ANGPT1: variants seen among roughly 807,000 people sequenced by gnomAD.
ANGPT1 encodes angiopoietin-1.
In ANGPT1, 17 loss-of-function variants were observed where a neutral mutation model predicts 62.2. The observed-to-expected ratio is 0.27, with a 90% CI of 0.19 to 0.41. The LOEUF (loss-of-function observed/expected upper bound fraction) is 0.41, where lower values mean the gene tolerates loss of function less well. Among genes scored for constraint, ANGPT1 ranks in the 10% least tolerant of loss-of-function variants. The pLI is 1.00. For synonymous variants in ANGPT1, 199 were observed against 198.9 expected, an observed-to-expected ratio of 1.00 and a Z score of 0.00; for missense variants, 478 against 594.9, an observed-to-expected ratio of 0.80 and a Z score of 2.04.
chr8:107,431,701 C>T (rs1811190876), intron 1 of ANGPT1, among the ~76,000 whole-genome samples: 1 of 150,630 alleles, frequency 6.6e-6, no homozygotes, highest in Non-Finnish European at 1.5e-5. Flanking sequence ...TTGTATCTAC[C>T]TTCCTACCAG....
intron 1 of ANGPT1, among the ~76,000 whole-genome samples, chr8:107,367,119 C>A (rs534939525): frequency 3.3e-5 from 5 of 152,268 alleles, no homozygotes; most frequent in African/African-American, 1.2e-4. Context: ...TAAATATTTG[C>A]TATTTTAAGC....
At chr8:107,255,360 G>A (rs764425715) in intron 8 of ANGPT1, among the ~76,000 whole-genome samples, 2 of 152,140 alleles carry the variant, frequency 1.3e-5, no homozygotes, top group Non-Finnish European at 2.9e-5. Context: ...GTGCCAGTGG[G>A]TTAAAGGGTT....
At chr8:107,490,626 C>G (rs1194057424) in intron 1 of ANGPT1, among the ~76,000 whole-genome samples, 5 of 152,168 alleles carry the variant, frequency 3.3e-5, no homozygotes, top group Non-Finnish European at 7.4e-5. Context: ...GCAATGGTCC[C>G]AATACTAATA....
intron 4 of ANGPT1, among the ~76,000 whole-genome samples, chr8:107,315,780 G>T (rs1814999975): frequency 6.6e-6 from 1 of 151,954 alleles, no homozygotes. Flanking sequence ...TTATATCCTT[G>T]CATTTTGGGG....
chr8:107,265,133 A>G (rs1414459980), intron 7 of ANGPT1, among the ~76,000 whole-genome samples: 1 of 152,172 alleles, frequency 6.6e-6, no homozygotes, highest in African/African-American at 2.4e-5. Flanking sequence ...CTATCTAGAA[A>G]CATTTCTTAT....
intron 1 of ANGPT1, among the ~76,000 whole-genome samples, chr8:107,429,452 A>T (rs1350935554): frequency 1.3e-5 from 2 of 152,134 alleles, no homozygotes; most frequent in Non-Finnish European, 2.9e-5. Context: ...TTACTAAAAG[A>T]ATGGGTGTCA....
intron 3 of ANGPT1, among the ~76,000 whole-genome samples, chr8:107,335,379 T>C (rs1815535321): frequency 6.6e-6 from 1 of 152,212 alleles, no homozygotes; most frequent in Non-Finnish European, 1.5e-5. Context: ...TCAAGTTATC[T>C]AGATACCCCG....
intron 1 of ANGPT1, among the ~76,000 whole-genome samples, chr8:107,431,316 TGTC>T (rs1301368716): frequency 2.0e-5 from 3 of 152,216 alleles, no homozygotes; most frequent in East Asian, 1.9e-4. Flanking sequence ...GGAAGTCACT[TGTC>T]GTGTTGCCCA....
intron 1 of ANGPT1, among the ~76,000 whole-genome samples, chr8:107,399,614 A>T (rs1205029772): frequency 6.6e-6 from 1 of 152,144 alleles, no homozygotes; most frequent in African/African-American, 2.4e-5. Flanking sequence ...AAGGAAGGGT[A>T]TGGGCCTGTC....
chr8:107,312,554 C>T (rs1814900315), intron 4 of ANGPT1, among the ~76,000 whole-genome samples: 1 of 152,188 alleles, frequency 6.6e-6, no homozygotes, highest in Non-Finnish European at 1.5e-5. Flanking sequence ...TAAGTCCTGA[C>T]TGTCACCACA....
intron 6 of ANGPT1, among the ~76,000 whole-genome samples, chr8:107,287,622 G>T (rs976491460): frequency 6.6e-6 from 1 of 152,116 alleles, no homozygotes; most frequent in Non-Finnish European, 1.5e-5. Context: ...GAAAGAAGGG[G>T]AATTGTGTTC....
At chr8:107,389,671 A>G (rs1230439463) in intron 1 of ANGPT1, among the ~76,000 whole-genome samples, 1 of 152,186 alleles carries the variant, frequency 6.6e-6, no homozygotes, top group Non-Finnish European at 1.5e-5. Context: ...AAAAACAATT[A>G]TATACTGCCA....
At chr8:107,313,443 T>TTG (rs1563564091) in intron 4 of ANGPT1, among the ~76,000 whole-genome samples, 9 of 127,724 alleles carry the variant, frequency 7.0e-5, no homozygotes, top group South Asian at 2.9e-4. Context: ...TTTTTTTTTT[T>TTG]TTTTTTTTTT....
intron 1 of ANGPT1, among the ~76,000 whole-genome samples, chr8:107,479,550 T>C (rs1489640790): frequency 2.0e-5 from 3 of 152,308 alleles, no homozygotes; most frequent in East Asian, 3.9e-4. Context: ...ACTGAACAGA[T>C]GGTGCTAACT....
intron 1 of ANGPT1, among the ~76,000 whole-genome samples, chr8:107,361,530 TTATATA>T (rs1327970340): frequency 7.4e-5 from 2 of 27,006 alleles, no homozygotes; most frequent in Non-Finnish European, 1.8e-4. Flanking sequence ...TATGTATATA[TTATATA>T]TCAATATAGA....
At chr8:107,467,064 T>C (rs1812223282) in intron 1 of ANGPT1, among the ~76,000 whole-genome samples, 1 of 152,100 alleles carries the variant, frequency 6.6e-6, no homozygotes, top group Non-Finnish European at 1.5e-5. Context: ...ACATCTTGCT[T>C]GGCTGAAGAT....
intron 1 of ANGPT1, among the ~76,000 whole-genome samples, chr8:107,405,797 T>C (rs773645347): frequency 6.6e-6 from 1 of 151,944 alleles, no homozygotes; most frequent in Non-Finnish European, 1.5e-5. Context: ...TATTTTGTGT[T>C]GAACTTATAA....
rs151034619 is a variant in ANGPT1, at chr8:107,261,839, T to C, written c.1336+2382A>G. On this transcript the variant is annotated intron_variant, in intron 8 of 8. Coordinates refer to ENST00000517746, the MANE Select transcript of ANGPT1 (RefSeq NM_001146.5). ...ACATAGGTGGCATGGATGGGGTCAA[T>C]GGGCTGTGATTTGGTGATAATAGTA... Among the ~76,000 whole-genome samples the C allele has an allele frequency of 6.6e-3, 1,001 of 152,126 alleles. 10 individuals are homozygous for C. The highest frequency in any genetic ancestry group is 0.023 in the African/African-American group (949 of 41,508).
intron 6 of ANGPT1, among the ~76,000 whole-genome samples, chr8:107,292,047 T>C (rs1021836356): frequency 6.6e-6 from 1 of 152,116 alleles, no homozygotes; most frequent in African/African-American, 2.4e-5. Context: ...CAAATGCACA[T>C]TCTAATTCAG....
Sources: allele counts gnomAD v4.1 joint callset (sites outside exome capture counted in the v4.1 genomes callset), GRCh38; gene constraint gnomAD v4.1.1; transcripts MANE v1.5; gene names NCBI Gene and HGNC (gene_info 2026-07-23, HGNC 2026-07-21).